Variants in MAP4K4 observed in about 807,000 individuals in gnomAD.
MAP4K4 encodes the protein mitogen-activated protein kinase kinase kinase kinase 4, also known as HPK/GCK-like kinase HGK.
Under a neutral mutation model 189.6 loss-of-function variants are expected in MAP4K4, and 38 were observed. The ratio of observed to expected loss-of-function variants is 0.20; its 90% CI spans 0.15 to 0.26. MAP4K4 has a LOEUF of 0.26. MAP4K4 is among the 10% of genes least tolerant of loss of function. The pLI, the probability that MAP4K4 is intolerant of heterozygous loss-of-function variation, is 1.00. For synonymous variants in MAP4K4, 610 were observed against 624.3 expected (o/e 0.98, Z 0.34); for missense variants, 1,054 against 1,726.9 (o/e 0.61, Z 6.91).
intron 27 of MAP4K4, among the ~76,000 whole-genome samples, chr2:101,880,579 G>C (rs1559320128): frequency 6.6e-6 from 1 of 151,390 alleles, no homozygotes; most frequent in Non-Finnish European, 1.5e-5. Flanking sequence ...TGAGATCTCA[G>C]CTCACTACAA....
intron 2 of MAP4K4, among the ~76,000 whole-genome samples, chr2:101,743,536 T>C (rs1464371291): frequency 6.6e-6 from 1 of 152,192 alleles, no homozygotes; most frequent in Non-Finnish European, 1.5e-5. Context: ...CACTTGCCTT[T>C]CACTGACAGG....
At chr2:101,857,643 A>C (rs767414414) in intron 13 of MAP4K4, among the ~76,000 whole-genome samples, 4 of 152,242 alleles carry the variant, frequency 2.6e-5, no homozygotes, top group Non-Finnish European at 5.9e-5. Flanking sequence ...ACATAGACAC[A>C]AGAGACGTAG....
chr2:101,757,504 A>T (rs2073498548), intron 2 of MAP4K4, among the ~76,000 whole-genome samples: 1 of 152,228 alleles, frequency 6.6e-6, no homozygotes, highest in Non-Finnish European at 1.5e-5. Context: ...AATCAGATAT[A>T]CAGTAATAAT....
chr2:101,835,833 CTGA>C, intron 8 of MAP4K4, 64 bp from the exon 9 acceptor site: 1 of 1,074,464 alleles, frequency 9.3e-7, no homozygotes, highest in East Asian at 2.4e-5. Flanking sequence ...TTATTTATGA[CTGA>C]ACCCTAGAAA....
At chr2:101,729,865 T>C (rs889170122) in intron 2 of MAP4K4, among the ~76,000 whole-genome samples, 7 of 152,218 alleles carry the variant, frequency 4.6e-5, no homozygotes, top group Non-Finnish European at 8.8e-5. Flanking sequence ...TCTGGGTGTT[T>C]TCCTCTCTTG....
At chr2:101,859,960 G>A in intron 15 of MAP4K4, 96 bp downstream of exon 15, 1 of 1,214,934 alleles carries the variant, frequency 8.2e-7, no homozygotes, top group South Asian at 1.3e-5. Context: ...GGGCCATAGA[G>A]TTTAGCTAAT....
intron 20 of MAP4K4, 76 bp from the exon 21 acceptor site, chr2:101,867,953 T>C: frequency 6.9e-7 from 1 of 1,455,308 alleles, no homozygotes; most frequent in Non-Finnish European, 9.6e-7. Context: ...CCCTTCTTTC[T>C]CCCGCGCTTC....
chr2:101,724,632 G>A (rs563847371), intron 2 of MAP4K4, among the ~76,000 whole-genome samples: 1 of 152,314 alleles, frequency 6.6e-6, no homozygotes, highest in Non-Finnish European at 1.5e-5. Flanking sequence ...TCTCTTAGGA[G>A]GGAATGAAAA....
intron 12 of MAP4K4, among the ~76,000 whole-genome samples, chr2:101,846,345 GTGTTTTCCACTATCT>G (rs565373284): frequency 6.6e-6 from 1 of 152,296 alleles, no homozygotes; most frequent in African/African-American, 2.4e-5. Context: ...TCTTGAAGTG[GTGTTTTCCACTATCT>G]TTTTTTGATC....
At chr2:101,870,249 G>C (rs553987543) in intron 22 of MAP4K4, 46 bp from the exon 23 acceptor site, 5 of 1,597,988 alleles carry the variant, frequency 3.1e-6, no homozygotes, top group East Asian at 4.5e-5. Context: ...GGATCTCCTT[G>C]ACTCCAGAGA....
chr2:101,773,700 C>G (rs2082551382), intron 2 of MAP4K4, among the ~76,000 whole-genome samples: 1 of 152,118 alleles, frequency 6.6e-6, no homozygotes, highest in African/African-American at 2.4e-5. Context: ...TTCTTTCTAA[C>G]TATCTTTTTT....
intron 3 of MAP4K4, among the ~76,000 whole-genome samples, chr2:101,793,209 A>G (rs1056224961): frequency 2.6e-5 from 4 of 152,236 alleles, no homozygotes; most frequent in African/African-American, 7.2e-5. Context: ...GAGTCCTCAA[A>G]TAAGTATTAT....
chr2:101,852,297 ACT>A (rs2097311592), intron 12 of MAP4K4, among the ~76,000 whole-genome samples: 1 of 152,076 alleles, frequency 6.6e-6, no homozygotes, highest in Admixed American at 6.5e-5. Flanking sequence ...GTCTGTCATC[ACT>A]CTAAATGCTA....
Position 101,729,928 on chromosome 2 carries a change from G to A in MAP4K4, c.123+31390G>A, listed in dbSNP as rs570638680. 2.4e-4 allele frequency among the ~76,000 whole-genome samples: 37 copies of A among 152,264 alleles called. No homozygotes were observed. In the South Asian group the frequency reaches 4.6e-3, roughly 19 times the overall value. The stretch of plus-strand genomic sequence containing the variant: ...AGGTTTGTGTTTCCTGCAACCCTCA[G>A]CACAACATCAGATGGTGTGTAAAGA... On this transcript the variant is annotated intron_variant, in intron 2 of 32. Transcript: ENST00000324219.
chr2:101,847,217 C>T (rs1313281807), intron 12 of MAP4K4, among the ~76,000 whole-genome samples: 1 of 152,118 alleles, frequency 6.6e-6, no homozygotes, highest in Non-Finnish European at 1.5e-5. Context: ...ATGTATTGCC[C>T]TGCTGGTTGT....
exon 33 of MAP4K4, chr2:101,892,452 T>G (rs1003436627): frequency 6.1e-6 from 1 of 164,864 alleles, no homozygotes; most frequent in Non-Finnish European, 1.3e-5. Context: ...CATTAGAGGT[T>G]GATGGGGCAA....
chr2:101,849,487 A>C (rs1437287721), intron 12 of MAP4K4, among the ~76,000 whole-genome samples: 2 of 152,074 alleles, frequency 1.3e-5, no homozygotes, highest in African/African-American at 4.8e-5. Context: ...GGCTCATACA[A>C]GACTTTGGGT....
chr2:101,866,447 C>A, exon 19 of MAP4K4: 3 of 1,613,282 alleles, frequency 1.9e-6, no homozygotes, highest in Non-Finnish European at 2.5e-6. Flanking sequence ...GCCCAGGCTT[C>A]TGTGGGAGAG....
chr2:101,754,215 A>G (rs1304685859), intron 2 of MAP4K4, among the ~76,000 whole-genome samples: 1 of 151,966 alleles, frequency 6.6e-6, no homozygotes, highest in Non-Finnish European at 1.5e-5. Context: ...ACTAGTCAGT[A>G]TGTTTTCATG....
Sources: allele counts gnomAD v4.1 joint callset (sites outside exome capture counted in the v4.1 genomes callset), GRCh38; gene constraint gnomAD v4.1.1; transcripts MANE v1.5; gene names NCBI Gene and HGNC (gene_info 2026-07-23, HGNC 2026-07-21).